Variants in CPO observed in about 807,000 individuals in gnomAD.
The protein encoded by CPO is metallocarboxypeptidase C.
A neutral mutation model predicts 41.2 loss-of-function variants in CPO; 43 were observed. The ratio of observed to expected loss-of-function variants is 1.04; its 90% confidence interval spans 0.82 to 1.35. The LOEUF (loss-of-function observed/expected upper bound fraction) is 1.35, where lower values mean the gene tolerates loss of function less well. Among genes scored for constraint, CPO ranks in the 40% most tolerant of loss-of-function variants. The probability of loss-of-function intolerance (pLI) is 0.00; values close to 1 mark genes in which losing one functional copy is unlikely to be tolerated. For synonymous variants in CPO, 178 were observed against 162.7 expected (o/e 1.09, Z -0.72); for missense variants, 408 against 451.7 (o/e 0.90, Z 0.88).
At chr2:206,947,804 C>A (rs1287193849) in intron 1 of CPO, among the ~76,000 whole-genome samples, 1 of 152,130 alleles carries the variant, frequency 6.6e-6, no homozygotes, top group Non-Finnish European at 1.5e-5. Context: ...AAAAGATATT[C>A]CACATCATAT....
At position 206,958,410 on chromosome 2, in the gene CPO, G is replaced by A. The variant is rs763680209; in HGVS notation, c.372+5G>A. The A allele has an allele frequency of 2.2e-5, 33 of 1,531,262 alleles. No individual in the cohort carries two copies. Among genetic ancestry groups the A allele is most frequent in the Non-Finnish European group, 2.8e-5 (31 of 1,111,408 alleles). 94.9% of individuals were successfully genotyped at this position (1,531,262 alleles called of 1,614,324 possible). On this transcript the variant is annotated splice_donor_5th_base_variant and intron_variant, in intron 4 of 8. Transcript: ENST00000272852. ...TGCCAATGGTTCGTCAAAGAAGTAA[G>A]TGTCTTTAGCTTTCTCATACTGGTA...
intron 1 of CPO, 34 bp downstream of exon 1, chr2:206,939,701 A>G (rs746014481): frequency 6.4e-6 from 10 of 1,566,664 alleles, no homozygotes; most frequent in Middle Eastern, 1.7e-4. Context: ...ACTGATTATT[A>G]TAATTTAGAT....
At chr2:206,956,412 T>TCAGCAGCAG (rs141567906) in intron 3 of CPO, among the ~76,000 whole-genome samples, 2 of 145,098 alleles carry the variant, frequency 1.4e-5, no homozygotes, top group African/African-American at 5.2e-5. Context: ...ATCATCATCA[T>TCAGCAGCAG]CATCAGCAGC....
chr2:206,960,753 C>G, intron 5 of CPO, 99 bp from the exon 6 acceptor site: 1 of 868,646 alleles, frequency 1.2e-6, no homozygotes, highest in Non-Finnish European at 1.9e-6. Flanking sequence ...CCAGATAATC[C>G]TAGGAAACAT....
At chr2:206,942,110 G>T (rs953097070) in intron 1 of CPO, among the ~76,000 whole-genome samples, 8 of 152,188 alleles carry the variant, frequency 5.3e-5, no homozygotes, top group Admixed American at 1.3e-4. Context: ...TTAAATAAAT[G>T]ATACTATGTA....
intron 3 of CPO, among the ~76,000 whole-genome samples, 159 bp from the exon 4 acceptor site, chr2:206,958,142 A>G (rs1162015131): frequency 6.6e-6 from 1 of 152,202 alleles, no homozygotes; most frequent in Admixed American, 6.5e-5. Flanking sequence ...GGAAAGAATC[A>G]TGTTGATGGG....
At chr2:206,967,204 A>C (rs1693590079) in intron 7 of CPO, among the ~76,000 whole-genome samples, 1 of 152,056 alleles carries the variant, frequency 6.6e-6, no homozygotes, top group Non-Finnish European at 1.5e-5. Context: ...GGCGACATGC[A>C]ACAGAAGGTC....
intron 1 of CPO, among the ~76,000 whole-genome samples, chr2:206,942,463 G>T (rs889951467): frequency 1.1e-4 from 17 of 152,016 alleles, no homozygotes. Flanking sequence ...GAACTATCAT[G>T]AAATATTCAT....
chr2:206,944,484 G>A (rs1375441109), intron 1 of CPO, among the ~76,000 whole-genome samples: 2 of 151,870 alleles, frequency 1.3e-5, no homozygotes, highest in African/African-American at 4.8e-5. Context: ...ATAGATTTGT[G>A]AATAACATGA....
In CPO at chr2:206,939,548, C is replaced by T; in HGVS notation, c.-52C>T. 2 of 1,442,226 alleles carry T rather than the reference C, an allele frequency of 1.4e-6. No homozygotes were observed. Among genetic ancestry groups the T allele is most frequent in the Non-Finnish European group, 1.9e-6 (2 of 1,025,950 alleles). 89.3% of individuals were successfully genotyped at this position (1,442,226 alleles called of 1,614,324 possible). A position where few individuals can be genotyped will look rare whatever the true frequency, so the allele number is the denominator to read the frequency against. ...CTTGATGCATTCATTCTCAAGGACA[C>T]TTGATCCACTGCCAGAGAGGCCCAG... On this transcript the variant is annotated 5_prime_UTR_variant, in exon 1 of 9. Coordinates refer to ENST00000272852, the MANE Select transcript of CPO (RefSeq NM_173077.3).
intron 7 of CPO, among the ~76,000 whole-genome samples, chr2:206,965,411 T>C (rs980956695): frequency 2.6e-5 from 4 of 152,156 alleles, no homozygotes; most frequent in Non-Finnish European, 5.9e-5. Flanking sequence ...TAGTAATTAA[T>C]CTCTATTATT....
chr2:206,941,521 A>G (rs993609820), intron 1 of CPO, among the ~76,000 whole-genome samples: 3 of 152,124 alleles, frequency 2.0e-5, no homozygotes, highest in African/African-American at 4.8e-5. Context: ...TTAATTTAAA[A>G]AATTAGATTC....
Position 206,955,536 on chromosome 2 carries a change from A to G in CPO, c.239A>G (p.Tyr80Cys), listed in dbSNP as rs768195969. The G allele has an allele frequency of 2.5e-6, 4 of 1,602,304 alleles. No homozygotes were observed. Among genetic ancestry groups the G allele is most frequent in the Admixed American group, 1.7e-5 (1 of 59,992 alleles). ...VVTQHFLGVT[Y>C]ETHPMYYLKI... Reference sequence around the variant, plus strand: ...ACACAGCATTTCCTAGGAGTGACCTATGAGACCCACCCCATGTATTATCTG... The same window carrying G: ...ACACAGCATTTCCTAGGAGTGACCTGTGAGACCCACCCCATGTATTATCTG... Residue 80 changes from tyrosine (Y) to cysteine (C), a missense_variant, in exon 3 of 9, where the codon TAT becomes TGT. Physicochemically the swap from Tyr to Cys is radical, Grantham distance 194. Transcript: ENST00000272852.
intron 3 of CPO, 38 bp from the exon 4 acceptor site, chr2:206,958,263 G>A (rs79923181): frequency 2.7e-6 from 3 of 1,100,844 alleles, no homozygotes; most frequent in Non-Finnish European, 3.9e-6. Context: ...ACAATAATCA[G>A]CAATTGTTTA....
At chr2:206,948,493 G>A (rs1693187793) in intron 1 of CPO, among the ~76,000 whole-genome samples, 1 of 152,216 alleles carries the variant, frequency 6.6e-6, no homozygotes, top group Non-Finnish European at 1.5e-5. Flanking sequence ...GCCTGGCTCA[G>A]CGGCTCACAC....
At chr2:206,948,153 G>A (rs1693181151) in intron 1 of CPO, among the ~76,000 whole-genome samples, 1 of 152,170 alleles carries the variant, frequency 6.6e-6, no homozygotes, top group Non-Finnish European at 1.5e-5. Flanking sequence ...ATTCATAACT[G>A]CCATATCTTG....
At chr2:206,959,502 G>A (rs568735565) in intron 4 of CPO, 129 bp from the exon 5 acceptor site, 2 of 597,196 alleles carry the variant, frequency 3.3e-6, no homozygotes, top group South Asian at 4.3e-5. Context: ...AGACACGGAG[G>A]AGGGCTTGGG....
chr2:206,969,014 G>C (rs1227692371), intron 8 of CPO, among the ~76,000 whole-genome samples, 160 bp from the exon 9 acceptor site: 1 of 152,190 alleles, frequency 6.6e-6, no homozygotes, highest in South Asian at 2.1e-4. Context: ...CCCTGCAGGG[G>C]CTTACAACCA....
At chr2:206,945,104 C>T (rs1693119371) in intron 1 of CPO, among the ~76,000 whole-genome samples, 1 of 152,062 alleles carries the variant, frequency 6.6e-6, no homozygotes, top group Non-Finnish European at 1.5e-5. Context: ...ATTTAATCCT[C>T]ATAAAAATCC....
Sources: gnomAD v4.1 joint callset for allele counts (sites outside exome capture counted in the v4.1 genomes callset) on GRCh38, gnomAD v4.1.1 for gene constraint, MANE v1.5 for transcripts, NCBI Gene and HGNC (gene_info 2026-07-23, HGNC 2026-07-21) for gene names.